Variants in GUCY1A2 observed in about 807,000 individuals in gnomAD.
GUCY1A2 encodes guanylate cyclase 1 soluble subunit alpha 2, also known as guanylate cyclase soluble subunit alpha-2.
Under a neutral mutation model 63.5 loss-of-function variants are expected in GUCY1A2, and 27 were observed. The observed-to-expected ratio is 0.43, with a 90% CI of 0.31 to 0.59. The LOEUF is 0.59. GUCY1A2 is among the 20% of genes least tolerant of loss of function. The pLI, the probability that GUCY1A2 is intolerant of heterozygous loss-of-function variation, is 0.11. For missense variants in GUCY1A2, 768 were observed against 913.3 expected (o/e 0.84, Z 2.05); for synonymous variants, 364 against 343.5 (o/e 1.06, Z -0.66).
At chr11:106,806,135 T>C in intron 5 of GUCY1A2, among the ~76,000 whole-genome samples, 1 of 152,216 alleles carries the variant, frequency 6.6e-6, no homozygotes, top group Admixed American at 6.5e-5. Flanking sequence ...CATCCCTGTA[T>C]GTCTAGATAG....
At chr11:106,908,567 A>G (rs923518846) in intron 4 of GUCY1A2, among the ~76,000 whole-genome samples, 1 of 151,948 alleles carries the variant, frequency 6.6e-6, no homozygotes, top group African/African-American at 2.4e-5. Context: ...GAAAAAAAGG[A>G]CTTTGCAGAG....
intron 4 of GUCY1A2, among the ~76,000 whole-genome samples, chr11:106,863,046 T>C (rs1215321399): frequency 6.6e-6 from 1 of 152,110 alleles, no homozygotes; most frequent in Non-Finnish European, 1.5e-5. Flanking sequence ...CACTGCTTAG[T>C]CCTCAAAGAT....
intron 3 of GUCY1A2, among the ~76,000 whole-genome samples, chr11:106,970,557 G>T (rs1302806533): frequency 6.6e-6 from 1 of 152,096 alleles, no homozygotes; most frequent in Non-Finnish European, 1.5e-5. Context: ...GTATTAGAAT[G>T]GCTAAAATCT....
chr11:106,753,117 GTGA>G (rs1190969826), intron 6 of GUCY1A2, among the ~76,000 whole-genome samples: 1 of 152,200 alleles, frequency 6.6e-6, no homozygotes, highest in Admixed American at 6.5e-5. Context: ...CTAATGACAA[GTGA>G]TGATGAGCAC....
chr11:106,694,779 G>T (rs570938097), intron 7 of GUCY1A2, among the ~76,000 whole-genome samples: 1 of 152,140 alleles, frequency 6.6e-6, no homozygotes, highest in East Asian at 1.9e-4. Context: ...AGGGGTAGGA[G>T]CTTGTGCACC....
chr11:106,691,856 C>A (rs1402809922), intron 7 of GUCY1A2, among the ~76,000 whole-genome samples: 1 of 152,084 alleles, frequency 6.6e-6, no homozygotes, highest in African/African-American at 2.4e-5. Flanking sequence ...CCTATGATAT[C>A]CAGTATTTAT....
intron 4 of GUCY1A2, among the ~76,000 whole-genome samples, chr11:106,905,805 CT>C (rs1177596966): frequency 5.9e-5 from 9 of 152,142 alleles, no homozygotes. Context: ...GCAGCTCATG[CT>C]TTTCATGACC....
chr11:106,872,400 T>G (rs1375991773), intron 4 of GUCY1A2, among the ~76,000 whole-genome samples: 4 of 152,178 alleles, frequency 2.6e-5, no homozygotes, highest in African/African-American at 9.6e-5. Flanking sequence ...TACATACCAG[T>G]CAAGTTGCTT....
chr11:106,895,445 A>T (rs4335514), intron 4 of GUCY1A2, among the ~76,000 whole-genome samples: 135,267 of 152,206 alleles, frequency 0.89, 60,208 homozygotes, highest in East Asian at 1. Flanking sequence ...CCATGTGTCA[A>T]GGAAGGGACC....
chr11:106,951,091 A>G (rs1025523190), intron 3 of GUCY1A2, among the ~76,000 whole-genome samples: 1 of 152,118 alleles, frequency 6.6e-6, no homozygotes, highest in African/African-American at 2.4e-5. Context: ...TTATGGCTGC[A>G]TTTTATTCCA....
chr11:106,795,029 G>C (rs1864729236), intron 5 of GUCY1A2, among the ~76,000 whole-genome samples: 1 of 152,098 alleles, frequency 6.6e-6, no homozygotes, highest in African/African-American at 2.4e-5. Context: ...ATTATGAATA[G>C]ACAAATTCCA....
At chr11:106,954,628 T>G (rs1365069092) in intron 3 of GUCY1A2, among the ~76,000 whole-genome samples, 3 of 152,206 alleles carry the variant, frequency 2.0e-5, no homozygotes, top group Non-Finnish European at 4.4e-5. Context: ...ACTATTATTG[T>G]GTGGGAGTTT....
intron 5 of GUCY1A2, among the ~76,000 whole-genome samples, chr11:106,809,057 ACACC>A (rs1406219357): frequency 6.6e-6 from 1 of 152,130 alleles, no homozygotes. Context: ...CCAAGAAGAC[ACACC>A]TTCATAAAAA....
chr11:107,004,887 G>A (rs895081440), intron 1 of GUCY1A2, among the ~76,000 whole-genome samples: 5 of 152,264 alleles, frequency 3.3e-5, no homozygotes, highest in African/African-American at 1.2e-4. Flanking sequence ...TGCTTGCTTA[G>A]CATATTCAAG....
intron 1 of GUCY1A2, among the ~76,000 whole-genome samples, chr11:107,003,978 T>G (rs1861640997): frequency 6.6e-6 from 1 of 152,192 alleles, no homozygotes; most frequent in African/African-American, 2.4e-5. Flanking sequence ...ATCTCAGAGT[T>G]GCCTAAATTA....
chr11:106,721,036 C>T (rs1312636601), intron 6 of GUCY1A2, among the ~76,000 whole-genome samples: 2 of 151,538 alleles, frequency 1.3e-5, no homozygotes, highest in Admixed American at 1.3e-4. Context: ...TCATATGCTT[C>T]TCCACCAATA....
rs542791624 is a variant in GUCY1A2 at position 106,691,804 on chromosome 11, A to G, written c.1992-4048T>C. 3.3e-5 allele frequency among the ~76,000 whole-genome samples: 5 copies of G among 152,358 alleles called. No individual in the cohort carries two copies. In the South Asian group the frequency reaches 1.0e-3, roughly 32 times the overall value. On this transcript the variant is annotated intron_variant, in intron 7 of 7. Coordinates refer to ENST00000526355, the MANE Select transcript of GUCY1A2 (RefSeq NM_000855.3). ...AAACTAAATACAGTTTTAAATTTCA[A>G]TAGTAAAAATGAGAGCACATAAGGA...
intron 6 of GUCY1A2, among the ~76,000 whole-genome samples, chr11:106,732,878 A>T (rs1176969444): frequency 6.6e-6 from 1 of 152,196 alleles, no homozygotes; most frequent in African/African-American, 2.4e-5. Flanking sequence ...TTGGAATAAA[A>T]TGTAGCCTAG....
intron 4 of GUCY1A2, among the ~76,000 whole-genome samples, chr11:106,837,637 T>G (rs113899860): frequency 6.6e-5 from 10 of 151,914 alleles, no homozygotes; most frequent in African/African-American, 2.4e-4. Flanking sequence ...CATCTGCAAG[T>G]TTTTTCAAAT....
Sources: gnomAD v4.1 joint callset for allele counts (sites outside exome capture counted in the v4.1 genomes callset) on GRCh38, gnomAD v4.1.1 for gene constraint, MANE v1.5 for transcripts, NCBI Gene and HGNC (gene_info 2026-07-23, HGNC 2026-07-21) for gene names.